The following APPBP2 variants were observed in gnomAD, a reference collection of about 807,000 sequenced individuals.
APPBP2 encodes the protein amyloid protein-binding protein 2.
A neutral mutation model predicts 76.0 loss-of-function variants in APPBP2; 15 were observed. The observed-to-expected ratio is 0.20, with a 90% CI of 0.13 to 0.30. The LOEUF (loss-of-function observed/expected upper bound fraction) is 0.30. Ranked by LOEUF, APPBP2 falls within the 10% of genes least tolerant of loss-of-function variation. The probability of loss-of-function intolerance (pLI) is 1.00; values close to 1 mark genes in which losing one functional copy is unlikely to be tolerated. For missense variants in APPBP2, 401 were observed against 687.2 expected (o/e 0.58, Z 4.66); for synonymous variants, 222 against 242.2 (o/e 0.92, Z 0.77).
In APPBP2 at chr17:60,525,923, G is replaced by A. The variant is rs758672760; in HGVS notation, c.9C>T (p.Ala3=). The change falls in exon 1 of 13, where the codon GCC becomes GCT. Residue 3 remains alanine (A), a synonymous_variant. Transcript: ENST00000083182. MA[A]VELEWIPETL... ...TCTCTGGGATCCACTCTAGTTCCACGGCCGCCATCTTCCTTCCCTCCTCCT... is the reference window on the plus strand; with the variant it reads ...TCTCTGGGATCCACTCTAGTTCCACAGCCGCCATCTTCCTTCCCTCCTCCT... 6.2e-7 allele frequency: 1 copy of A among 1,611,684 alleles called. No individual in the cohort carries two copies. Among genetic ancestry groups the A allele is most frequent in the South Asian group, 1.1e-5 (1 of 90,484 alleles).
intron 1 of APPBP2, among the ~76,000 whole-genome samples, chr17:60,502,671 A>T (rs993998715): frequency 6.8e-6 from 1 of 146,544 alleles, no homozygotes; most frequent in African/African-American, 2.8e-5. Flanking sequence ...ACTGGCCAAC[A>T]TGGAGAAATC....
intron 1 of APPBP2, among the ~76,000 whole-genome samples, chr17:60,507,975 CT>C (rs753633178): frequency 3.5e-3 from 489 of 140,914 alleles, no homozygotes; most frequent in Admixed American, 3.8e-3. Flanking sequence ...TTTTTTCCTT[CT>C]TTTTTTTTTT....
At chr17:60,478,702 A>C (rs1362806565) in intron 4 of APPBP2, among the ~76,000 whole-genome samples, 2 of 152,208 alleles carry the variant, frequency 1.3e-5, no homozygotes, top group Non-Finnish European at 2.9e-5. Context: ...CAGGTGGATC[A>C]CCTGAAGTCA....
At chr17:60,457,916 AC>A (rs1302287180) in intron 9 of APPBP2, among the ~76,000 whole-genome samples, 7 of 152,138 alleles carry the variant, frequency 4.6e-5, no homozygotes, top group African/African-American at 1.7e-4. Flanking sequence ...CATTTTCATT[AC>A]CCCATAAAGA....
chr17:60,471,319 G>T (rs190361781), intron 4 of APPBP2, among the ~76,000 whole-genome samples: 1 of 151,768 alleles, frequency 6.6e-6, no homozygotes, highest in East Asian at 1.9e-4. Context: ...TTTTCTTGTC[G>T]AATTTCTTCT....
chr17:60,452,213 A>G (rs7212665), intron 11 of APPBP2, among the ~76,000 whole-genome samples, 168 bp from the exon 12 acceptor site: 12,515 of 152,268 alleles, frequency 0.082, 1,704 homozygotes, highest in African/African-American at 0.28. Flanking sequence ...GGGAAGCATT[A>G]CAGAGTTTTG....
intron 1 of APPBP2, among the ~76,000 whole-genome samples, chr17:60,517,207 C>CA: frequency 6.6e-6 from 1 of 152,082 alleles, no homozygotes; most frequent in East Asian, 1.9e-4. Context: ...GAACTCCTGA[C>CA]CTCAGGTGAT....
intron 3 of APPBP2, among the ~76,000 whole-genome samples, chr17:60,489,696 A>G (rs2090711049): frequency 6.6e-6 from 1 of 152,116 alleles, no homozygotes; most frequent in African/African-American, 2.4e-5. Flanking sequence ...ACTTTAAGAC[A>G]GAAAACACAT....
At chr17:60,524,347 G>A (rs371125469) in intron 1 of APPBP2, among the ~76,000 whole-genome samples, 3 of 152,254 alleles carry the variant, frequency 2.0e-5, no homozygotes, top group African/African-American at 2.4e-5. Flanking sequence ...AGTTTCCCAG[G>A]CTGAGAAAGA....
At chr17:60,525,490 T>C (rs1317742261) in intron 1 of APPBP2, among the ~76,000 whole-genome samples, 3 of 151,890 alleles carry the variant, frequency 2.0e-5, no homozygotes, top group Non-Finnish European at 4.4e-5. Context: ...AAGGACTAGG[T>C]GGGACAGGGG....
intron 11 of APPBP2, among the ~76,000 whole-genome samples, chr17:60,452,820 C>A (rs1488292356): frequency 6.6e-6 from 1 of 152,116 alleles, no homozygotes; most frequent in East Asian, 1.9e-4. Context: ...GTATTCCCAG[C>A]TACTTGGGAA....
intron 4 of APPBP2, 80 bp from the exon 5 acceptor site, chr17:60,466,539 A>AGTCATTCAGG: frequency 7.3e-7 from 1 of 1,367,410 alleles, no homozygotes. Context: ...AATCACCTGA[A>AGTCATTCAGG]TGACTTAAGG....
intron 5 of APPBP2, among the ~76,000 whole-genome samples, chr17:60,464,516 T>C (rs1332335547): frequency 6.6e-6 from 1 of 152,234 alleles, no homozygotes; most frequent in African/African-American, 2.4e-5. Context: ...TTATTTTATG[T>C]CTGAATTGTC....
chr17:60,502,832 T>C (rs1389477451), intron 1 of APPBP2, among the ~76,000 whole-genome samples: 3 of 145,978 alleles, frequency 2.1e-5, no homozygotes, highest in Non-Finnish European at 4.4e-5. Flanking sequence ...GCCTGGGTGA[T>C]GGAGCAAAAC....
intron 10 of APPBP2, among the ~76,000 whole-genome samples, chr17:60,455,576 G>T (rs1001430678): frequency 6.6e-6 from 1 of 152,168 alleles, no homozygotes; most frequent in South Asian, 2.1e-4. Context: ...GGGGTATTTT[G>T]CAAGAGCCTT....
At chr17:60,525,623 T>C (rs1041198912) in intron 1 of APPBP2, among the ~76,000 whole-genome samples, 171 bp downstream of exon 1, 3 of 152,074 alleles carry the variant, frequency 2.0e-5, no homozygotes, top group African/African-American at 7.2e-5. Context: ...AGACAGGGCA[T>C]AGGGAGATGG....
intron 4 of APPBP2, among the ~76,000 whole-genome samples, chr17:60,475,312 C>T (rs911436180): frequency 6.6e-6 from 1 of 152,136 alleles, no homozygotes; most frequent in Non-Finnish European, 1.5e-5. Flanking sequence ...ATTATATTGC[C>T]CAGGCAGGTC....
intron 4 of APPBP2, among the ~76,000 whole-genome samples, chr17:60,474,935 A>G (rs1057448222): frequency 6.6e-6 from 1 of 152,118 alleles, no homozygotes; most frequent in Non-Finnish European, 1.5e-5. Context: ...TTTTTATTTT[A>G]AAATAAAATA....
In APPBP2 at chr17:60,500,421, C is replaced by G; in HGVS notation, c.205G>C (p.Val69Leu). Reference protein sequence around the residue: ...EFCELEVFAKVLRALDKRHLL... With the variant: ...EFCELEVFAKLLRALDKRHLL... The stretch of plus-strand genomic sequence containing the variant: ...TACCTTTTATCCAAAGCTCTCAGTA[C>G]TTTAGCAAAAACTTCCAATTCACAA... Residue 69 changes from valine (V) to leucine (L), a missense_variant, in exon 2 of 13, where the codon GTA becomes CTA. Val to Leu is a conservative substitution (Grantham distance 32). Coordinates refer to ENST00000083182, the MANE Select transcript of APPBP2 (RefSeq NM_006380.5). 1 of 1,609,890 alleles carries G rather than the reference C, an allele frequency of 6.2e-7. No homozygotes were observed. The highest frequency in any genetic ancestry group is 1.3e-5 in the African/African-American group (1 of 74,926).
Sources: allele counts gnomAD v4.1 joint callset (sites outside exome capture counted in the v4.1 genomes callset), GRCh38; gene constraint gnomAD v4.1.1; transcripts MANE v1.5; gene names NCBI Gene and HGNC (gene_info 2026-07-23, HGNC 2026-07-21).